ADH1B: variants seen among roughly 807,000 people sequenced by gnomAD.
ADH1B encodes all-trans-retinol dehydrogenase [NAD(+)] ADH1B.
Under a neutral mutation model 34.6 loss-of-function variants are expected in ADH1B, and 29 were observed. The ratio of observed to expected loss-of-function variants is 0.84; its 90% CI spans 0.62 to 1.14. The LOEUF (loss-of-function observed/expected upper bound fraction) is 1.14, where lower values mean the gene tolerates loss of function less well. ADH1B is among the 50% of genes most tolerant of loss of function. The pLI, the probability that ADH1B is intolerant of heterozygous loss-of-function variation, is 0.00. For synonymous variants in ADH1B, 170 were observed against 175.5 expected, an observed-to-expected ratio of 0.97 and a Z score of 0.25; for missense variants, 424 against 468.4, an observed-to-expected ratio of 0.91 and a Z score of 0.87.
intron 3 of ADH1B, chr4:99,317,788 T>TA: frequency 2.1e-6 from 1 of 476,336 alleles, no homozygotes; most frequent in Non-Finnish European, 3.6e-6. Flanking sequence ...GATCCTCACA[T>TA]ATCTCCAGGC....
intron 1 of ADH1B, chr4:99,319,537 ATAT>A (rs1460784242): frequency 1.3e-5 from 2 of 157,628 alleles, no homozygotes; most frequent in East Asian, 1.9e-4. Flanking sequence ...TTTGAGCCAA[ATAT>A]TATAGAGATT....
intron 1 of ADH1B, 51 bp from the exon 2 acceptor site, chr4:99,318,937 C>T (rs1733954307): frequency 6.4e-7 from 1 of 1,570,982 alleles, no homozygotes; most frequent in Non-Finnish European, 8.8e-7. Context: ...CTCTTGAAGT[C>T]ATAAGTTGTG....
rs752147425 is a variant in ADH1B at position 99,311,665 on chromosome 4, A to T, written c.829-9T>A. ...CATAACAGGGAAGCCATCTGGAATA[A>T]AGTGAATATTTAGCATCCTTAACGT... is the stretch of plus-strand genomic sequence containing the variant. On this transcript the variant is annotated splice_polypyrimidine_tract_variant and intron_variant, in intron 6 of 8. Coordinates refer to ENST00000305046, the MANE Select transcript of ADH1B (RefSeq NM_000668.6). The T allele has an allele frequency of 6.2e-7, 1 of 1,613,366 alleles. No homozygotes were observed. Among genetic ancestry groups the T allele is most frequent in the Non-Finnish European group, 8.5e-7 (1 of 1,179,682 alleles).
chr4:99,318,916 G>C, intron 1 of ADH1B, 30 bp from the exon 2 acceptor site: 1 of 1,600,164 alleles, frequency 6.2e-7, no homozygotes, highest in Non-Finnish European at 8.6e-7. Context: ...GATGGTGACA[G>C]TGTTTTCCCA....
chr4:99,320,753 C>T, intron 1 of ADH1B: 4 of 1,074,596 alleles, frequency 3.7e-6, no homozygotes, highest in East Asian at 8.2e-5. Context: ...CATAATGGAC[C>T]CCTTTTAATC....
chr4:99,318,762 A>G (rs1417036085), intron 2 of ADH1B, 23 bp downstream of exon 2: 2 of 1,588,584 alleles, frequency 1.3e-6, no homozygotes, highest in East Asian at 2.2e-5. Flanking sequence ...GTAAAATGAA[A>G]TATAAATGGA....
rs1470227684 is a variant in ADH1B at position 99,308,084 on chromosome 4, TCCTGAGTATG to T, written c.1104-230_1104-221del. Reference sequence around the variant, plus strand: ...TCCAATCTTAATCTCACTCACAACATCCTGAGTATGCCTGTCATTTCAATTCTACATTAAT... The same window carrying T: ...TCCAATCTTAATCTCACTCACAACATCCTGTCATTTCAATTCTACATTAAT... On this transcript the variant is annotated intron_variant, in intron 8 of 8. Transcript: ENST00000305046. Among the ~76,000 whole-genome samples the T allele has an allele frequency of 2.0e-5, 3 of 152,202 alleles. No homozygotes were observed. In the East Asian group the frequency reaches 5.8e-4, roughly 29 times the overall value.
intron 8 of ADH1B, among the ~76,000 whole-genome samples, chr4:99,308,305 T>G (rs1218227798): frequency 6.6e-6 from 1 of 150,968 alleles, no homozygotes; most frequent in East Asian, 1.9e-4. Flanking sequence ...TATGTCCATT[T>G]TAGAGATTAT....
At chr4:99,311,332 T>A (rs946147196) in intron 7 of ADH1B, among the ~76,000 whole-genome samples, 189 bp downstream of exon 7, 1 of 152,228 alleles carries the variant, frequency 6.6e-6, no homozygotes, top group Non-Finnish European at 1.5e-5. Context: ...TGGGACCTTC[T>A]GTCTGCATTA....
chr4:99,305,017 C>T lies in ADH1B; in HGVS notation c.*2823G>A, dbSNP rs1036328097. 2.0e-5 allele frequency: 3 copies of T among 151,930 alleles called. No homozygotes were observed. Among genetic ancestry groups the T allele is most frequent in the South Asian group, 4.2e-4 (2 of 4,804 alleles). The allele number at this position is 151,930 out of a possible 1,614,324, so 9.4% of individuals were successfully genotyped here. A position where few individuals can be genotyped will look rare whatever the true frequency, so the allele number is the denominator to read the frequency against. On this transcript the variant is annotated 3_prime_UTR_variant, in exon 9 of 9. Transcript: ENST00000305046. ...TTTTTTTTTTGATCACACCAAGGCT[C>T]AGTGCCATTTAATATGCTATTTTGC...
Position 99,305,520 on chromosome 4 carries a change from A to C in ADH1B, c.*2320T>G. The stretch of plus-strand genomic sequence containing the variant: ...GGAATACATATATATATATATATAT[A>C]TATACAATCACTTAACTATATGAAC... On this transcript the variant is annotated 3_prime_UTR_variant, in exon 9 of 9. Transcript: ENST00000305046. 2 of 124,902 alleles carry C rather than the reference A, an allele frequency of 1.6e-5. 1 individual carries two copies. Among genetic ancestry groups the C allele is most frequent in the Non-Finnish European group, 3.3e-5 (2 of 60,638 alleles). 7.7% of individuals were successfully genotyped at this position (124,902 alleles called of 1,614,324 possible). A position where few individuals can be genotyped will look rare whatever the true frequency, so the allele number is the denominator to read the frequency against.
chr4:99,308,280 G>T (rs1733663510), intron 8 of ADH1B, among the ~76,000 whole-genome samples: 1 of 150,922 alleles, frequency 6.6e-6, no homozygotes. Flanking sequence ...AACACTAAGA[G>T]GTAGGTTCCC....
At position 99,313,749 on chromosome 4, in the gene ADH1B, A is replaced by G. The variant is rs189894519; in HGVS notation, c.828+72T>C. 5.6e-3 allele frequency: 9,020 copies of G among 1,612,188 alleles called. 36 individuals are homozygous for G. The highest frequency in any genetic ancestry group is 7.2e-3 in the Non-Finnish European group (8,540 of 1,178,808). On this transcript the variant is annotated intron_variant, in intron 6 of 8. Coordinates refer to ENST00000305046, the MANE Select transcript of ADH1B (RefSeq NM_000668.6). Reference sequence around the variant, plus strand: ...TAAAAATATCCTTTATACATAAAACATATATTTTGCTGCCTAAATGCATCT... The same window carrying G: ...TAAAAATATCCTTTATACATAAAACGTATATTTTGCTGCCTAAATGCATCT...
At position 99,315,923 on chromosome 4, in the gene ADH1B, T is replaced by A. The variant is rs1214212674; in HGVS notation, c.542A>T (p.Tyr181Phe). The A allele has an allele frequency of 4.3e-6, 7 of 1,614,094 alleles. No homozygotes were observed. Among genetic ancestry groups the A allele is most frequent in the Admixed American group, 3.3e-5 (2 of 60,002 alleles). Residue 181 changes from tyrosine to phenylalanine, a missense_variant, in exon 5 of 9, where the codon TAT becomes TTT. By Grantham distance (22) the Tyr-to-Phe change is conservative. Transcript: ENST00000305046. ...CLIGCGFSTG[Y>F]GSAVNVAKVT... ...CTTGGCAACGTTAACTGCAGACCCA[T>A]AACCAGTCGAGAATCCACAGCCAAT...
At chr4:99,317,606 C>T (rs1733918659) in intron 3 of ADH1B, 2 of 158,912 alleles carry the variant, frequency 1.3e-5, no homozygotes, top group African/African-American at 4.8e-5. Flanking sequence ...TCATCCGTAG[C>T]CATGTAGCCT....
Position 99,321,374 on chromosome 4 carries a change from T to C in ADH1B, c.-43A>G, listed in dbSNP as rs751100780. On this transcript the variant is annotated 5_prime_UTR_variant, in exon 1 of 9. Coordinates refer to ENST00000305046, the MANE Select transcript of ADH1B (RefSeq NM_000668.6). Reference sequence around the variant, plus strand: ...TGCCCACCAGCAGACTGTGAGTCTTTGTGGATTTCTTCTCTGCTTGAGTGC... The same window carrying C: ...TGCCCACCAGCAGACTGTGAGTCTTCGTGGATTTCTTCTCTGCTTGAGTGC... The C allele has an allele frequency of 5.0e-6, 8 of 1,605,860 alleles. No homozygotes were observed. The highest frequency in any genetic ancestry group is 6.0e-6 in the Non-Finnish European group (7 of 1,173,796).
chr4:99,314,298 T>TG, intron 5 of ADH1B: 1 of 731,132 alleles, frequency 1.4e-6, no homozygotes, highest in Non-Finnish European at 2.2e-6. Flanking sequence ...TAGATTCATC[T>TG]GGGGAGCTTT....
At position 99,318,063 on chromosome 4, in the gene ADH1B, A is replaced by T; in HGVS notation, c.242T>A (p.Val81Glu). 1.2e-6 allele frequency: 2 copies of T among 1,613,934 alleles called. No individual in the cohort carries two copies. Among genetic ancestry groups the T allele is most frequent in the Non-Finnish European group, 1.7e-6 (2 of 1,179,952 alleles). ...AGIVESVGEG[V>E]TTVKPGDKVI... Reference sequence around the variant, plus strand: ...TCCTGTACCTGGTTTGACTGTAGTCACCCCTTCTCCAACACTCTCCACGAT... The same window carrying T: ...TCCTGTACCTGGTTTGACTGTAGTCTCCCCTTCTCCAACACTCTCCACGAT... The change falls in exon 3 of 9, where the codon GTG becomes GAG. Residue 81 changes from valine to glutamate, a missense_variant. Transcript: ENST00000305046.
chr4:99,320,324 T>C (rs1205536067), intron 1 of ADH1B: 2 of 152,204 alleles, frequency 1.3e-5, no homozygotes, highest in Non-Finnish European at 2.9e-5. Context: ...TGAGTTACTT[T>C]ACTTAGAATA....
Sources: gnomAD v4.1 joint callset for allele counts (sites outside exome capture counted in the v4.1 genomes callset) on GRCh38, gnomAD v4.1.1 for gene constraint, MANE v1.5 for transcripts, NCBI Gene and HGNC (gene_info 2026-07-23, HGNC 2026-07-21) for gene names.